Variants in GULP1 observed in about 807,000 individuals in gnomAD.
GULP1 encodes PTB domain-containing engulfment adapter protein 1.
In GULP1, 19 loss-of-function variants were observed where a neutral mutation model predicts 40.9. The observed-to-expected ratio is 0.46, with a 90% CI of 0.32 to 0.68. The LOEUF (loss-of-function observed/expected upper bound fraction) is 0.68, where lower values mean the gene tolerates loss of function less well. Ranked by LOEUF, GULP1 falls within the 30% of genes least tolerant of loss-of-function variation. The pLI is 0.03. For missense variants in GULP1, 312 were observed against 362.2 expected, an observed-to-expected ratio of 0.86 and a Z score of 1.12; for synonymous variants, 119 against 117.6, an observed-to-expected ratio of 1.01 and a Z score of -0.08.
At chr2:188,471,221 T>G (rs2060562563) in intron 2 of GULP1, among the ~76,000 whole-genome samples, 1 of 152,158 alleles carries the variant, frequency 6.6e-6, no homozygotes, top group Admixed American at 6.5e-5. Context: ...TATACCTTTA[T>G]TATCAGTCTA....
chr2:188,541,056 A>C, intron 6 of GULP1, 125 bp from the exon 7 acceptor site: 1 of 798,912 alleles, frequency 1.3e-6, no homozygotes, highest in Non-Finnish European at 2.0e-6. Flanking sequence ...GTACATAATT[A>C]TAAAATCAAA....
intron 2 of GULP1, among the ~76,000 whole-genome samples, chr2:188,418,682 A>G (rs924450671): frequency 1.3e-5 from 2 of 152,220 alleles, no homozygotes; most frequent in African/African-American, 4.8e-5. Context: ...TTTGGCTTTA[A>G]TAATTAATGT....
intron 6 of GULP1, among the ~76,000 whole-genome samples, chr2:188,540,877 T>G (rs987544392): frequency 6.6e-6 from 1 of 152,134 alleles, no homozygotes; most frequent in African/African-American, 2.4e-5. Context: ...ATGCAAAGTT[T>G]AAAGTATATG....
chr2:188,483,659 AATAGTT>A (rs1412450644), intron 4 of GULP1, among the ~76,000 whole-genome samples, 167 bp downstream of exon 4: 1 of 152,112 alleles, frequency 6.6e-6, no homozygotes, highest in Admixed American at 6.6e-5. Context: ...TTCTCTGTAG[AATAGTT>A]TCTCTTTTTA....
At chr2:188,573,197 T>C (rs1432439906) in intron 9 of GULP1, among the ~76,000 whole-genome samples, 1 of 152,222 alleles carries the variant, frequency 6.6e-6, no homozygotes, top group Non-Finnish European at 1.5e-5. Flanking sequence ...ATGTGTTTCC[T>C]ATTAAAAAAC....
chr2:188,468,077 T>C (rs1443142476), intron 2 of GULP1, among the ~76,000 whole-genome samples: 1 of 152,190 alleles, frequency 6.6e-6, no homozygotes, highest in African/African-American at 2.4e-5. Context: ...TCTGAAAATA[T>C]GTATGACTGA....
At chr2:188,568,865 ACT>A (rs1407127995) in intron 7 of GULP1, among the ~76,000 whole-genome samples, 6 of 152,180 alleles carry the variant, frequency 3.9e-5, no homozygotes, top group African/African-American at 9.6e-5. Context: ...TACATTTGGC[ACT>A]CTGCTTTCAT....
chr2:188,522,741 A>C lies in GULP1; in HGVS notation c.91-15A>C. ...ATATGGTAAAAGCCTGTGTCTCACA[A>C]ATGACCATTTTCAGTTTCTTGGCAG... On this transcript the variant is annotated splice_polypyrimidine_tract_variant and intron_variant, in intron 4 of 11. Transcript: ENST00000409830. The C allele has an allele frequency of 2.5e-6, 4 of 1,570,546 alleles. No homozygotes were observed. In the South Asian group the frequency reaches 4.4e-5, roughly 17 times the overall value.
chr2:188,420,184 A>G (rs562927529), intron 2 of GULP1, among the ~76,000 whole-genome samples: 1 of 152,110 alleles, frequency 6.6e-6, no homozygotes, highest in Non-Finnish European at 1.5e-5. Context: ...TTGTGGTTTC[A>G]TATGAATTTT....
intron 4 of GULP1, among the ~76,000 whole-genome samples, chr2:188,491,885 A>G (rs1467504597): frequency 6.6e-6 from 1 of 152,092 alleles, no homozygotes; most frequent in Non-Finnish European, 1.5e-5. Flanking sequence ...GCTGTTATGC[A>G]TATTTTTACA....
At chr2:188,388,074 C>G (rs566111916) in intron 2 of GULP1, among the ~76,000 whole-genome samples, 1 of 139,082 alleles carries the variant, frequency 7.2e-6, no homozygotes, top group Non-Finnish European at 1.5e-5. Flanking sequence ...TGTTCCCCTT[C>G]CTGTGTCCCT....
intron 2 of GULP1, among the ~76,000 whole-genome samples, chr2:188,411,380 G>A (rs1249639859): frequency 6.6e-6 from 1 of 152,220 alleles, no homozygotes; most frequent in South Asian, 2.1e-4. Context: ...ACTCAGTGGT[G>A]GCCATAGCCA....
chr2:188,337,638 C>G (rs561514341), intron 1 of GULP1, among the ~76,000 whole-genome samples: 1 of 151,556 alleles, frequency 6.6e-6, no homozygotes, highest in African/African-American at 2.4e-5. Context: ...TGTGTTGTAC[C>G]CAGATCTTGG....
chr2:188,375,701 G>A (rs2048206025), intron 1 of GULP1, among the ~76,000 whole-genome samples: 1 of 152,046 alleles, frequency 6.6e-6, no homozygotes, highest in Admixed American at 6.6e-5. Flanking sequence ...TTAATCATCT[G>A]AATATTTCTA....
intron 2 of GULP1, among the ~76,000 whole-genome samples, chr2:188,440,755 A>T (rs890426724): frequency 6.6e-6 from 1 of 152,204 alleles, no homozygotes; most frequent in African/African-American, 2.4e-5. Context: ...GTTGTTTGTT[A>T]TCAACTTGAA....
intron 2 of GULP1, among the ~76,000 whole-genome samples, chr2:188,437,381 G>A (rs2057504061): frequency 6.6e-6 from 1 of 152,018 alleles, no homozygotes; most frequent in Admixed American, 6.6e-5. Flanking sequence ...GTTCTATTTA[G>A]AGGTGAAAAA....
At chr2:188,365,646 G>A (rs1002951754) in intron 1 of GULP1, among the ~76,000 whole-genome samples, 2 of 152,180 alleles carry the variant, frequency 1.3e-5, no homozygotes, top group African/African-American at 4.8e-5. Context: ...ACTTTAGAAA[G>A]AATGAATTAA....
chr2:188,460,427 T>TC (rs1205213552), intron 2 of GULP1, among the ~76,000 whole-genome samples: 1 of 151,724 alleles, frequency 6.6e-6, no homozygotes, highest in Non-Finnish European at 1.5e-5. Context: ...GGAATTCTTT[T>TC]TTTTTTTTTA....
chr2:188,529,884 C>G (rs2153233589), intron 6 of GULP1, among the ~76,000 whole-genome samples: 1 of 152,218 alleles, frequency 6.6e-6, no homozygotes, highest in Non-Finnish European at 1.5e-5. Context: ...AAAAACTAGA[C>G]AAATTAAATT....
Sources: allele counts gnomAD v4.1 joint callset (sites outside exome capture counted in the v4.1 genomes callset), GRCh38; gene constraint gnomAD v4.1.1; transcripts MANE v1.5; gene names NCBI Gene and HGNC (gene_info 2026-07-23, HGNC 2026-07-21).